CCDC7: variants seen among roughly 807,000 people sequenced by gnomAD.
The protein encoded by CCDC7 is coiled-coil domain containing 7.
Under a neutral mutation model 196.9 loss-of-function variants are expected in CCDC7, and 183 were observed. The ratio of observed to expected loss-of-function variants is 0.93; its 90% CI spans 0.82 to 1.05. CCDC7 has a LOEUF of 1.05. Ranked by LOEUF, CCDC7 falls within the 50% of genes least tolerant of loss-of-function variation. The pLI, the probability that CCDC7 is intolerant of heterozygous loss-of-function variation, is 0.00. For synonymous variants in CCDC7, 525 were observed against 484.6 expected (o/e 1.08, Z -1.10); for missense variants, 1,540 against 1,482.2 (o/e 1.04, Z -0.64).
intron 13 of CCDC7, among the ~76,000 whole-genome samples, chr10:32,554,706 A>G (rs2054072068): frequency 6.6e-6 from 1 of 152,190 alleles, no homozygotes; most frequent in African/African-American, 2.4e-5. Context: ...TGCTTCCTTC[A>G]GAGGGTCTGT....
At chr10:32,557,043 T>A (rs1349126008) in intron 13 of CCDC7, among the ~76,000 whole-genome samples, 1 of 152,218 alleles carries the variant, frequency 6.6e-6, no homozygotes, top group Non-Finnish European at 1.5e-5. Flanking sequence ...TATCACGTGC[T>A]TTTGTTTTAT....
At chr10:32,647,231 G>A (rs2067917098) in intron 20 of CCDC7, among the ~76,000 whole-genome samples, 1 of 152,198 alleles carries the variant, frequency 6.6e-6, no homozygotes, top group South Asian at 2.1e-4. Flanking sequence ...TATAGGCTGG[G>A]AACAGTGGCT....
intron 9 of CCDC7, among the ~76,000 whole-genome samples, chr10:32,504,668 A>G (rs1329522380): frequency 6.6e-6 from 1 of 151,924 alleles, no homozygotes; most frequent in Non-Finnish European, 1.5e-5. Flanking sequence ...TTGACTCATC[A>G]TTTGTTTAGG....
chr10:32,778,108 G>T (rs940235699), intron 28 of CCDC7, among the ~76,000 whole-genome samples: 7 of 152,090 alleles, frequency 4.6e-5, no homozygotes, highest in Non-Finnish European at 1.0e-4. Flanking sequence ...CATAGTTCAT[G>T]GATATTTTTC....
At chr10:32,535,919 TGA>T (rs1162073094) in intron 11 of CCDC7, among the ~76,000 whole-genome samples, 1 of 152,168 alleles carries the variant, frequency 6.6e-6, no homozygotes, top group Non-Finnish European at 1.5e-5. Flanking sequence ...TCATGTGATG[TGA>T]TGCCAGAGTC....
intron 20 of CCDC7, among the ~76,000 whole-genome samples, chr10:32,657,136 G>C (rs745463421): frequency 2.6e-5 from 4 of 152,216 alleles, no homozygotes; most frequent in Non-Finnish European, 5.9e-5. Context: ...CCCATTCCCA[G>C]GTGCCTTCAC....
chr10:32,447,982 T>C (rs1360452365), upstream of CCDC7, among the ~76,000 whole-genome samples: 1 of 152,212 alleles, frequency 6.6e-6, no homozygotes, highest in African/African-American at 2.4e-5. Flanking sequence ...ACTATTATCA[T>C]CAGTAATTTC....
At chr10:32,460,561 C>A (rs1188725995) in intron 3 of CCDC7, among the ~76,000 whole-genome samples, 2 of 152,088 alleles carry the variant, frequency 1.3e-5, no homozygotes, top group Admixed American at 6.6e-5. Flanking sequence ...TTTGAGAACC[C>A]CGGAATCTTT....
chr10:32,506,918 C>T (rs1589314122), intron 9 of CCDC7, among the ~76,000 whole-genome samples: 1 of 152,298 alleles, frequency 6.6e-6, no homozygotes, highest in East Asian at 1.9e-4. Context: ...TCTCATGAGG[C>T]AGCTAATAAC....
intron 2 of CCDC7, among the ~76,000 whole-genome samples, chr10:32,454,444 G>A (rs1214473852): frequency 6.6e-6 from 1 of 152,056 alleles, no homozygotes; most frequent in African/African-American, 2.4e-5. Context: ...CGGGGTAAGG[G>A]TTGAAAAACT....
intron 8 of CCDC7, among the ~76,000 whole-genome samples, chr10:32,490,754 C>T (rs914755332): frequency 1.2e-4 from 18 of 151,806 alleles, no homozygotes; most frequent in East Asian, 3.9e-4. Context: ...GCTGAGATCG[C>T]GCCACTGCAC....
At chr10:32,843,114 T>C (rs936228081) in intron 33 of CCDC7, among the ~76,000 whole-genome samples, 27 of 150,384 alleles carry the variant, frequency 1.8e-4, no homozygotes, top group Non-Finnish European at 3.8e-4. Flanking sequence ...TTTTAAAAAA[T>C]TTAAAAAATA....
intron 31 of CCDC7, among the ~76,000 whole-genome samples, chr10:32,819,857 T>A (rs938266547): frequency 1.3e-5 from 2 of 152,186 alleles, no homozygotes; most frequent in Non-Finnish European, 2.9e-5. Context: ...ACAGCCAATA[T>A]CATACTGAAT....
At chr10:32,519,769 A>G (rs995584289) in intron 11 of CCDC7, among the ~76,000 whole-genome samples, 2 of 152,062 alleles carry the variant, frequency 1.3e-5, no homozygotes, top group African/African-American at 2.4e-5. Flanking sequence ...GTACAATTAA[A>G]TCACTATTGA....
chr10:32,477,179 A>C (rs1415928226), intron 8 of CCDC7, among the ~76,000 whole-genome samples: 2 of 151,134 alleles, frequency 1.3e-5, no homozygotes, highest in Non-Finnish European at 2.9e-5. Context: ...ATAGTTTTGC[A>C]TTTTACATTT....
intron 41 of CCDC7, among the ~76,000 whole-genome samples, chr10:32,859,730 T>G (rs577119183): frequency 5.3e-5 from 8 of 152,098 alleles, no homozygotes; most frequent in African/African-American, 1.9e-4. Flanking sequence ...ATAAAGGGAA[T>G]ATCACCACCG....
At chr10:32,566,886 T>C (rs1589981470) in intron 14 of CCDC7, among the ~76,000 whole-genome samples, 1 of 145,984 alleles carries the variant, frequency 6.9e-6, no homozygotes, top group East Asian at 2.0e-4. Context: ...TATATATAGC[T>C]AATATATATA....
chr10:32,509,313 G>A (rs1250751544), intron 9 of CCDC7, among the ~76,000 whole-genome samples: 7 of 152,148 alleles, frequency 4.6e-5, no homozygotes, highest in East Asian at 1.9e-4. Flanking sequence ...GGAAAGGATA[G>A]TATCTCCAAC....
intron 24 of CCDC7, among the ~76,000 whole-genome samples, chr10:32,709,445 T>G (rs1012861886): frequency 6.6e-6 from 1 of 152,106 alleles, no homozygotes; most frequent in Non-Finnish European, 1.5e-5. Flanking sequence ...GTTATGCACA[T>G]GTACCCTAGA....
Sources: gnomAD v4.1 joint callset for allele counts (sites outside exome capture counted in the v4.1 genomes callset) on GRCh38, gnomAD v4.1.1 for gene constraint, MANE v1.5 for transcripts, NCBI Gene and HGNC (gene_info 2026-07-23, HGNC 2026-07-21) for gene names.